ANKRD30B: variants seen among roughly 807,000 people sequenced by gnomAD.
ANKRD30B encodes the protein ankyrin repeat domain-containing protein 30B.
A neutral mutation model predicts 202.2 loss-of-function variants in ANKRD30B; 144 were observed. The ratio of observed to expected loss-of-function variants is 0.71; its 90% CI spans 0.62 to 0.82. The LOEUF is 0.82. Ranked by LOEUF, ANKRD30B falls within the 40% of genes least tolerant of loss-of-function variation. The pLI is 0.00. For missense variants in ANKRD30B, 1,487 were observed against 1,669.1 expected (o/e 0.89, Z 1.90); for synonymous variants, 508 against 561.3 (o/e 0.91, Z 1.34).
Position 14,851,522 on chromosome 18 carries a change from A to T in ANKRD30B, c.3578A>T (p.His1193Leu). The change falls in exon 42 of 44, where the codon CAT (histidine) becomes CTT (leucine). Residue 1193 changes from histidine to leucine, a missense_variant. His to Leu is a moderately conservative substitution (Grantham distance 99). This residue lies in a region of ANKRD30B where 177 missense variants were observed against 216.4 expected (regional missense o/e 0.82). Transcript: ENST00000690538. ...TGTTTTATTTAGGTTTCTCACACTC[A>T]TGAAAGTGAAAATGATCTCTTTCAT... ...TSNLNQVSHT[H>L]ESENDLFHEN... The T allele has an allele frequency of 6.5e-7, 1 of 1,539,012 alleles. No homozygotes were observed. The highest frequency in any genetic ancestry group is 8.7e-7 in the Non-Finnish European group (1 of 1,147,284).
At position 14,844,838 on chromosome 18, in the gene ANKRD30B, T is replaced by C. The variant is rs572655889; in HGVS notation, c.3181+1742T>C. 3.9e-5 allele frequency among the ~76,000 whole-genome samples: 6 copies of C among 152,204 alleles called. No homozygotes were observed. The South Asian group carries it at 6.2e-4, about 16-fold the overall frequency. On this transcript the variant is annotated intron_variant, in intron 39 of 43. Transcript: ENST00000690538. ...TTTGCATTTCTCTGATGGCCAGTGA[T>C]GATGAGCATTTTTTTCACGTGTCTG...
intron 24 of ANKRD30B, among the ~76,000 whole-genome samples, chr18:14,807,326 A>G (rs1969584411): frequency 6.6e-6 from 1 of 150,956 alleles, no homozygotes; most frequent in South Asian, 2.1e-4. Context: ...CTTTCTATAA[A>G]AGCTTTTTCA....
At chr18:14,937,718 G>C in the ANKRD30B span, among the ~76,000 whole-genome samples, 4 of 152,180 alleles carry the variant, frequency 2.6e-5, no homozygotes, top group African/African-American at 4.8e-5. Flanking sequence ...TGCTTTTGTT[G>C]CTCCGTTCTT....
intron 26 of ANKRD30B, among the ~76,000 whole-genome samples, chr18:14,808,980 G>A (rs904630884): frequency 7.3e-5 from 11 of 150,848 alleles, no homozygotes; most frequent in Non-Finnish European, 1.5e-4. Flanking sequence ...AGCCTGCAAT[G>A]CAATGGGGCC....
At chr18:14,818,462 C>T (rs1970232875) in intron 30 of ANKRD30B, among the ~76,000 whole-genome samples, 1 of 151,392 alleles carries the variant, frequency 6.6e-6, no homozygotes, top group African/African-American at 2.4e-5. Flanking sequence ...CTGCACCCAC[C>T]AACTCGTCAT....
At chr18:14,838,878 G>A (rs1162485147) in intron 36 of ANKRD30B, among the ~76,000 whole-genome samples, 4 of 152,234 alleles carry the variant, frequency 2.6e-5, no homozygotes, top group Non-Finnish European at 5.9e-5. Context: ...AAACTGGAAA[G>A]TCTGTATACA....
At chr18:14,815,898 T>C (rs1380118670) in intron 30 of ANKRD30B, among the ~76,000 whole-genome samples, 1 of 152,196 alleles carries the variant, frequency 6.6e-6, no homozygotes, top group African/African-American at 2.4e-5. Context: ...AATGTTGGCA[T>C]ACCGTTATGC....
At chr18:14,805,993 G>T (rs1395708031) in intron 24 of ANKRD30B, among the ~76,000 whole-genome samples, 1 of 150,414 alleles carries the variant, frequency 6.6e-6, no homozygotes. Flanking sequence ...GGCCGAGGCG[G>T]GCAGATCACG....
At chr18:14,863,704 C>T in the ANKRD30B span, among the ~76,000 whole-genome samples, 1 of 150,468 alleles carries the variant, frequency 6.6e-6, no homozygotes, top group South Asian at 2.1e-4. Context: ...TGGTATCAAT[C>T]TTACTGCAAC....
intron 8 of ANKRD30B, 89 bp from the exon 9 acceptor site, chr18:14,772,067 T>G (rs1967036153): frequency 2.7e-6 from 2 of 752,710 alleles, no homozygotes; most frequent in East Asian, 6.2e-5. Context: ...GTTTTCATTT[T>G]ATAGAGTGAG....
chr18:14,781,118 T>TA (rs1967708661), intron 11 of ANKRD30B, among the ~76,000 whole-genome samples: 1 of 152,280 alleles, frequency 6.6e-6, no homozygotes, highest in South Asian at 2.1e-4. Context: ...AGACTTTTTC[T>TA]AATATTTGTC....
intron 23 of ANKRD30B, 35 bp from the exon 24 acceptor site, chr18:14,803,699 C>A (rs1282265077): frequency 1.3e-6 from 2 of 1,544,554 alleles, no homozygotes; most frequent in African/African-American, 2.8e-5. Context: ...TGGGATTTCT[C>A]CATTGAAATT....
intron 9 of ANKRD30B, among the ~76,000 whole-genome samples, chr18:14,776,266 G>C (rs1394883745): frequency 6.6e-6 from 1 of 152,152 alleles, no homozygotes; most frequent in Admixed American, 6.5e-5. Flanking sequence ...TCCAAGATGA[G>C]GGATTATGCT....
At chr18:14,823,739 C>T (rs1424746445) in intron 32 of ANKRD30B, among the ~76,000 whole-genome samples, 1 of 152,038 alleles carries the variant, frequency 6.6e-6, no homozygotes, top group Non-Finnish European at 1.5e-5. Flanking sequence ...TTTGGGAGAC[C>T]AAGGTGGGCA....
chr18:14,860,356 G>GGGCAGAGTGGCCA, the ANKRD30B span, among the ~76,000 whole-genome samples: 10 of 60,338 alleles, frequency 1.7e-4, no homozygotes, highest in South Asian at 7.0e-4. Context: ...CAGGGCTGCC[G>GGGCAGAGTGGCCA]GGCAGAGGCG....
chr18:14,845,147 T>C (rs1164144675), intron 39 of ANKRD30B, among the ~76,000 whole-genome samples: 1 of 152,002 alleles, frequency 6.6e-6, no homozygotes, highest in Non-Finnish European at 1.5e-5. Context: ...TTTGATGTTT[T>C]AGTTCTGAAG....
At position 14,837,247 on chromosome 18, in the gene ANKRD30B, C is replaced by T. The variant is rs9676012; in HGVS notation, c.2884C>T (p.Arg962Cys). The T allele has an allele frequency of 3.2e-3, 4,935 of 1,548,352 alleles. 146 individuals carry two copies. The African/African-American group carries it at 0.059, about 19-fold the overall frequency. Residue 962 changes from arginine to cysteine, a missense_variant, in exon 35 of 44, where the codon CGT becomes TGT. Transcript: ENST00000690538. Reference protein sequence around the residue: ...ATKTVTGQQERDIGIIERAPQ... With the variant: ...ATKTVTGQQECDIGIIERAPQ... ...AAAGACAGTAACTGGACAACAGGAA[C>T]GTGATATTGGCATTATTGAACGAGC...
chr18:14,938,943 G>A, the ANKRD30B span, among the ~76,000 whole-genome samples: 7 of 152,164 alleles, frequency 4.6e-5, no homozygotes, highest in Admixed American at 1.3e-4. Flanking sequence ...TCAACAACAG[G>A]AGACAGAGGG....
chr18:14,787,883 T>A (rs1427275214), intron 15 of ANKRD30B, among the ~76,000 whole-genome samples: 1 of 152,198 alleles, frequency 6.6e-6, no homozygotes, highest in Non-Finnish European at 1.5e-5. Context: ...TTTATCTGAT[T>A]TTTTATTAGA....
Sources: allele counts gnomAD v4.1 joint callset (sites outside exome capture counted in the v4.1 genomes callset), GRCh38; gene constraint gnomAD v4.1.1; regional missense constraint gnomAD v4.1.1; transcripts MANE v1.5; gene names NCBI Gene and HGNC (gene_info 2026-07-23, HGNC 2026-07-21).